The following MACROD2 variants were observed in gnomAD, a reference collection of about 807,000 sequenced individuals.
MACROD2 encodes ADP-ribose glycohydrolase MACROD2.
MACROD2 carries 36 observed loss-of-function variants against 70.4 expected under a neutral mutation model. That is an observed-to-expected ratio of 0.51 (90% CI 0.39 to 0.68). The LOEUF (loss-of-function observed/expected upper bound fraction) is 0.68. Among genes scored for constraint, MACROD2 ranks in the 30% least tolerant of loss-of-function variants. MACROD2 has a pLI of 0.00. For synonymous variants in MACROD2, 172 were observed against 178.8 expected (o/e 0.96, Z 0.30); for missense variants, 496 against 538.4 (o/e 0.92, Z 0.78).
chr20:15,947,296 C>A (rs571945943), intron 12 of MACROD2, among the ~76,000 whole-genome samples: 2 of 152,282 alleles, frequency 1.3e-5, no homozygotes, highest in African/African-American at 4.8e-5. Flanking sequence ...CAAGGCCATA[C>A]TTCAGACTAT....
At chr20:15,649,110 T>TCCCTCCCCTC (rs1166263596) in intron 8 of MACROD2, among the ~76,000 whole-genome samples, 1 of 76,320 alleles carries the variant, frequency 1.3e-5, no homozygotes, top group Non-Finnish European at 2.4e-5. Context: ...CCCCTCCCCT[T>TCCCTCCCCTC]CCCTCCCCTC....
intron 5 of MACROD2, among the ~76,000 whole-genome samples, chr20:14,798,504 CAGAGAG>C (rs1243452372): frequency 6.6e-6 from 1 of 151,958 alleles, no homozygotes; most frequent in Non-Finnish European, 1.5e-5. Flanking sequence ...TATAATTGAT[CAGAGAG>C]AGACTTTTTT....
At chr20:14,362,410 G>T (rs1375597585) in intron 3 of MACROD2, among the ~76,000 whole-genome samples, 4 of 152,134 alleles carry the variant, frequency 2.6e-5, no homozygotes. Flanking sequence ...CAGGCCCTGT[G>T]GTAGCTAGCG....
intron 8 of MACROD2, among the ~76,000 whole-genome samples, chr20:15,709,284 A>G (rs1217627390): frequency 6.6e-6 from 1 of 152,240 alleles, no homozygotes; most frequent in African/African-American, 2.4e-5. Context: ...CCGCTATCTA[A>G]TAAGTGAATA....
intron 3 of MACROD2, among the ~76,000 whole-genome samples, chr20:14,417,386 C>T (rs889657865): frequency 6.6e-6 from 1 of 152,140 alleles, no homozygotes; most frequent in African/African-American, 2.4e-5. Flanking sequence ...GATTAACTAA[C>T]TTATTTCCCA....
chr20:15,156,383 T>C (rs1035391911), intron 5 of MACROD2, among the ~76,000 whole-genome samples: 4 of 152,222 alleles, frequency 2.6e-5, no homozygotes, highest in African/African-American at 9.7e-5. Context: ...ATCTTAGTAA[T>C]AGAAGCAGTA....
chr20:14,661,285 C>T (rs755287139), intron 4 of MACROD2, among the ~76,000 whole-genome samples: 10 of 152,082 alleles, frequency 6.6e-5, no homozygotes, highest in Non-Finnish European at 1.5e-4. Context: ...TTTTGATTTG[C>T]ATCTCTCGAC....
At chr20:14,028,716 C>T (rs1170283888) in intron 2 of MACROD2, among the ~76,000 whole-genome samples, 1 of 152,118 alleles carries the variant, frequency 6.6e-6, no homozygotes, top group Non-Finnish European at 1.5e-5. Context: ...GAGGTGATGC[C>T]CCACCCTGCT....
chr20:15,187,323 AT>A (rs757079958), intron 5 of MACROD2, among the ~76,000 whole-genome samples: 1 of 152,210 alleles, frequency 6.6e-6, no homozygotes, highest in East Asian at 1.9e-4. Context: ...AAACTCAATA[AT>A]TTTATTAAGC....
intron 3 of MACROD2, among the ~76,000 whole-genome samples, chr20:14,125,637 G>T (rs564080867): frequency 1.3e-5 from 2 of 152,156 alleles, no homozygotes; most frequent in African/African-American, 4.8e-5. Flanking sequence ...GTACATATTT[G>T]TGAAATAGGG....
At chr20:14,305,799 A>AAAATTG (rs1261207575) in intron 3 of MACROD2, among the ~76,000 whole-genome samples, 1 of 152,068 alleles carries the variant, frequency 6.6e-6, no homozygotes, top group Non-Finnish European at 1.5e-5. Context: ...CGTATCTCAG[A>AAAATTG]AAATTGATTC....
At chr20:15,308,609 G>A (rs944914657) in intron 6 of MACROD2, among the ~76,000 whole-genome samples, 4 of 152,132 alleles carry the variant, frequency 2.6e-5, no homozygotes, top group Admixed American at 1.3e-4. Context: ...TCTTTTAATG[G>A]CTTATGTATA....
At chr20:15,873,107 T>G (rs2064609768) in intron 9 of MACROD2, among the ~76,000 whole-genome samples, 1 of 152,208 alleles carries the variant, frequency 6.6e-6, no homozygotes. Flanking sequence ...AAAAAATACT[T>G]TTCTAAAAGT....
chr20:14,173,369 T>A (rs796230596), intron 3 of MACROD2, among the ~76,000 whole-genome samples: 34 of 152,302 alleles, frequency 2.2e-4, no homozygotes, highest in African/African-American at 7.9e-4. Flanking sequence ...CTCTCTTTGA[T>A]CTCTGAAGTT....
intron 6 of MACROD2, among the ~76,000 whole-genome samples, chr20:15,405,013 G>A (rs1380840329): frequency 6.6e-6 from 1 of 152,152 alleles, no homozygotes; most frequent in Non-Finnish European, 1.5e-5. Flanking sequence ...GTTATGCTAG[G>A]AGAAAGAAGC....
At chr20:15,393,044 T>G in intron 6 of MACROD2, among the ~76,000 whole-genome samples, 1 of 151,980 alleles carries the variant, frequency 6.6e-6, no homozygotes, top group Admixed American at 6.6e-5. Flanking sequence ...TCCGCACGCC[T>G]CCACTCTCAT....
chr20:14,575,272 T>A (rs986631418), intron 4 of MACROD2, among the ~76,000 whole-genome samples: 3 of 152,076 alleles, frequency 2.0e-5, no homozygotes, highest in African/African-American at 4.8e-5. Context: ...AATGAAAAAA[T>A]TTAGTACAAA....
chr20:15,454,406 AACACACACACACAC>A (rs10523169), intron 7 of MACROD2, among the ~76,000 whole-genome samples: 4,820 of 137,500 alleles, frequency 0.035, 100 homozygotes, highest in Middle Eastern at 0.081. Context: ...GACATATTCA[AACACACACACACAC>A]ACACACACAC....
chr20:14,018,935 A>G (rs912279337), intron 2 of MACROD2, among the ~76,000 whole-genome samples: 3 of 152,220 alleles, frequency 2.0e-5, no homozygotes, highest in Admixed American at 1.3e-4. Context: ...GTCTGGGGAC[A>G]GGTTTTATAG....
Sources: gnomAD v4.1 joint callset for allele counts (sites outside exome capture counted in the v4.1 genomes callset) on GRCh38, gnomAD v4.1.1 for gene constraint, MANE v1.5 for transcripts, NCBI Gene and HGNC (gene_info 2026-07-23, HGNC 2026-07-21) for gene names.